Variants in PATL2 observed in about 807,000 individuals in gnomAD.
The protein encoded by PATL2 is protein PAT1 homolog 2.
PATL2 carries 73 observed loss-of-function variants against 77.0 expected under a neutral mutation model. The observed-to-expected ratio is 0.95, with a 90% confidence interval of 0.78 to 1.15. The LOEUF (loss-of-function observed/expected upper bound fraction) is 1.15, where lower values mean the gene tolerates loss of function less well. PATL2 is among the 50% of genes most tolerant of loss of function. PATL2 has a pLI of 0.00. For synonymous variants in PATL2, 265 were observed against 257.1 expected, an observed-to-expected ratio of 1.03 and a Z score of -0.29; for missense variants, 618 against 655.4, an observed-to-expected ratio of 0.94 and a Z score of 0.62.
rs1160834883 is a variant in PATL2, at chr15:44,668,371, G to T, written c.1336C>A (p.Arg446=). The change falls in exon 15 of 18, where the codon CGG becomes AGG. Residue 446 remains arginine (R), a synonymous_variant. Transcript: ENST00000682850. ...TTCTGAAGCACCACGGTGACTGGCC[G>T]CTCTGAGGAGCCAGGTGGCAACAGC... is the stretch of plus-strand genomic sequence containing the variant. The part of the protein sequence containing the change: ...LTLLPPGSSE[R]PVTVVLQNQF... The T allele has an allele frequency of 1.9e-6, 3 of 1,550,824 alleles. No homozygotes were observed. Among genetic ancestry groups the T allele is most frequent in the Non-Finnish European group, 2.6e-6 (3 of 1,146,878 alleles).
intron 3 of PATL2, chr15:44,697,229 T>G (rs1463399589): frequency 6.6e-6 from 1 of 152,112 alleles, no homozygotes; most frequent in African/African-American, 2.4e-5. Flanking sequence ...TTCCTCTTCC[T>G]CCTCCCTTTT....
At chr15:44,685,767 G>C (rs1405048792) in intron 3 of PATL2, among the ~76,000 whole-genome samples, 8 of 152,160 alleles carry the variant, frequency 5.3e-5, no homozygotes, top group Admixed American at 3.9e-4. Flanking sequence ...CCTAGTCCCA[G>C]ATAAAACAGA....
chr15:44,697,981 C>T (rs1256018029), intron 3 of PATL2, among the ~76,000 whole-genome samples: 2 of 152,068 alleles, frequency 1.3e-5, no homozygotes, highest in African/African-American at 2.4e-5. Context: ...TCAAGTGATC[C>T]TTCTGCTTCA....
intron 3 of PATL2, among the ~76,000 whole-genome samples, chr15:44,691,450 G>T (rs533305788): frequency 6.8e-4 from 103 of 152,262 alleles, no homozygotes; most frequent in African/African-American, 2.4e-3. Context: ...TTGAGGTCAG[G>T]AGTTCGAGAC....
intron 3 of PATL2, among the ~76,000 whole-genome samples, chr15:44,678,799 A>G (rs1456235223): frequency 1.3e-5 from 2 of 152,080 alleles, no homozygotes; most frequent in African/African-American, 2.4e-5. Context: ...TTTTTTCTTA[A>G]AGAAAAAAAA....
chr15:44,710,789 T>C (rs1194697408), intron 2 of PATL2, among the ~76,000 whole-genome samples, 82 bp downstream of exon 2: 1 of 152,158 alleles, frequency 6.6e-6, no homozygotes, highest in Admixed American at 6.5e-5. Context: ...TCTAAAGCCC[T>C]AGCAGTTACT....
At chr15:44,669,629 A>G in intron 11 of PATL2, 66 bp from the exon 12 acceptor site, 6 of 1,525,716 alleles carry the variant, frequency 3.9e-6, no homozygotes, top group Non-Finnish European at 4.4e-6. Flanking sequence ...CCAGGCCCCC[A>G]ACTAGCTAGA....
chr15:44,669,849 G>A lies in PATL2; in HGVS notation c.804C>T (p.Gly268=). The A allele has an allele frequency of 6.4e-7, 1 of 1,551,596 alleles. No individual in the cohort carries two copies. The highest frequency in any genetic ancestry group is 8.7e-7 in the Non-Finnish European group (1 of 1,146,990). ...TGAAGCATGTCGACACAGCTACCTG[G>A]CCCAGGGAACCCTCGATTCGGACCA... ...ESVVRIEGSL[G]QVAVSTCFSP... is the part of the protein sequence containing the mutation. Residue 268 remains glycine, a synonymous_variant, in exon 11 of 18, where the codon GGC becomes GGT. Coordinates refer to ENST00000682850, the MANE Select transcript of PATL2 (RefSeq NM_001387263.1).
chr15:44,695,152 G>C (rs187079145), intron 3 of PATL2, among the ~76,000 whole-genome samples: 69 of 151,438 alleles, frequency 4.6e-4, no homozygotes, highest in African/African-American at 1.6e-3. Flanking sequence ...TTGCACCATT[G>C]CACTCCAGCC....
intron 17 of PATL2, 48 bp from the exon 18 acceptor site, chr15:44,666,019 G>C (rs2085350669): frequency 2.8e-6 from 4 of 1,446,558 alleles, no homozygotes; most frequent in Non-Finnish European, 2.8e-6. Flanking sequence ...TACTTTGCAA[G>C]TATTTATATG....
At chr15:44,678,891 T>G (rs2086062264) in intron 3 of PATL2, among the ~76,000 whole-genome samples, 1 of 152,238 alleles carries the variant, frequency 6.6e-6, no homozygotes, top group South Asian at 2.1e-4. Context: ...GGTTCTTTAA[T>G]AGCAGTAGAT....
chr15:44,667,197 T>C lies in PATL2; in HGVS notation c.1372A>G (p.Ile458Val), dbSNP rs925527614. The C allele has an allele frequency of 6.4e-7, 1 of 1,551,316 alleles. No individual in the cohort carries two copies. ...CTCAGCAGGGCATAGAGCAAAGATATTCCAAACTGCAAGGGACATATATAT... is the reference window on the plus strand; with the variant it reads ...CTCAGCAGGGCATAGAGCAAAGATACTCCAAACTGCAAGGGACATATATAT... Reference protein sequence around the residue: ...VTVVLQNQFGISLLYALLSHG... With the variant: ...VTVVLQNQFGVSLLYALLSHG... The change falls in exon 16 of 18, where the codon ATA becomes GTA. Residue 458 changes from isoleucine to valine, a missense_variant. By Grantham distance (29) the Ile-to-Val change is conservative. Coordinates refer to ENST00000682850, the MANE Select transcript of PATL2 (RefSeq NM_001387263.1).
rs1245061118 is a variant in PATL2, at chr15:44,668,476, G to T, written c.1231C>A (p.Gln411Lys). Residue 411 changes from glutamine to lysine, a missense_variant, in exon 15 of 18, where the codon CAA becomes AAA. By Grantham distance (53) the Gln-to-Lys change is moderately conservative. Transcript: ENST00000682850. ...TTGCCCAGAGGTTTGAATAACATTTGTAGGGCCTGCAAGAAGATCAGTAAG... is the reference window on the plus strand; with the variant it reads ...TTGCCCAGAGGTTTGAATAACATTTTTAGGGCCTGCAAGAAGATCAGTAAG... ...VRRDVADQAL[Q>K]MLFKPLGKCI... is the part of the protein sequence containing the mutation. The T allele has an allele frequency of 6.4e-7, 1 of 1,550,588 alleles. No homozygotes were observed. Among genetic ancestry groups the T allele is most frequent in the South Asian group, 1.2e-5 (1 of 83,912 alleles).
intron 7 of PATL2, among the ~76,000 whole-genome samples, 185 bp from the exon 8 acceptor site, chr15:44,672,641 C>T (rs2085747274): frequency 6.6e-6 from 1 of 152,216 alleles, no homozygotes; most frequent in African/African-American, 2.4e-5. Flanking sequence ...GCTCCTCCAA[C>T]ATCTATTTTC....
intron 1 of PATL2, 25 bp downstream of exon 1, chr15:44,710,995 A>T: frequency 9.2e-6 from 2 of 218,186 alleles, no homozygotes; most frequent in Non-Finnish European, 1.9e-5. Flanking sequence ...TGTCCTCAGG[A>T]TGCTTTTGGG....
intron 3 of PATL2, among the ~76,000 whole-genome samples, chr15:44,692,594 C>T (rs1181685826): frequency 6.6e-6 from 1 of 152,180 alleles, no homozygotes; most frequent in East Asian, 1.9e-4. Context: ...TCCCCAGTGC[C>T]GAGGAGCTAG....
In PATL2 at chr15:44,666,079, G is replaced by T; in HGVS notation, c.1614-108C>A. The T allele has an allele frequency of 3.8e-6, 4 of 1,056,362 alleles. No individual in the cohort carries two copies. The South Asian group carries it at 4.6e-5, about 12-fold the overall frequency. The allele number at this position is 1,056,362 out of a possible 1,614,324, so 65.4% of individuals were successfully genotyped here. On this transcript the variant is annotated intron_variant, in intron 17 of 17. Transcript: ENST00000682850. ...TAGCAGTAATTCTGAGGACAGAGAT[G>T]ACCATGTTATTCATGCTTATATCCT...
chr15:44,671,792 T>C (rs1323857277), intron 9 of PATL2, among the ~76,000 whole-genome samples: 1 of 152,110 alleles, frequency 6.6e-6, no homozygotes, highest in Non-Finnish European at 1.5e-5. Flanking sequence ...CCAAGTGTGT[T>C]TGGGGAACTG....
chr15:44,703,673 T>C (rs1319726645), intron 3 of PATL2, among the ~76,000 whole-genome samples: 4 of 151,352 alleles, frequency 2.6e-5, no homozygotes, highest in Non-Finnish European at 5.9e-5. Flanking sequence ...TCTATGTGTG[T>C]CTTTATGGGT....
Sources: allele counts gnomAD v4.1 joint callset (sites outside exome capture counted in the v4.1 genomes callset), GRCh38; gene constraint gnomAD v4.1.1; transcripts MANE v1.5; gene names NCBI Gene and HGNC (gene_info 2026-07-23, HGNC 2026-07-21).